The following RELB variants were observed in gnomAD, a reference collection of about 807,000 sequenced individuals.
RELB encodes transcription factor RelB.
A neutral mutation model predicts 55.4 loss-of-function variants in RELB; 14 were observed. The ratio of observed to expected loss-of-function variants is 0.25; its 90% CI spans 0.17 to 0.40. RELB has a LOEUF of 0.40. Ranked by LOEUF, RELB falls within the 10% of genes least tolerant of loss-of-function variation. The pLI is 1.00. For missense variants in RELB, 669 were observed against 830.7 expected (o/e 0.81, Z 2.39); for synonymous variants, 409 against 371.3 (o/e 1.10, Z -1.17).
intron 8 of RELB, among the ~76,000 whole-genome samples, chr19:45,032,160 A>C (rs1038738312): frequency 4.0e-5 from 6 of 151,542 alleles, no homozygotes; most frequent in Admixed American, 2.0e-4. Context: ...TACTTGAACC[A>C]GGGAGTTGGA....
chr19:45,034,675 T>G, intron 11 of RELB, 147 bp downstream of exon 11: 1 of 649,380 alleles, frequency 1.5e-6, no homozygotes, highest in East Asian at 2.7e-5. Flanking sequence ...GTAGAAAGAA[T>G]GAGGGCTTTG....
At chr19:45,003,597 G>A (rs1963232143) in intron 2 of RELB, 1 of 518,270 alleles carries the variant, frequency 1.9e-6, no homozygotes, top group Admixed American at 1.9e-5. Context: ...CCTGGGCTTT[G>A]GAGCTGGGGT....
intron 11 of RELB, 41 bp from the exon 12 acceptor site, chr19:45,037,364 C>T (rs1306299319): frequency 2.0e-6 from 3 of 1,497,312 alleles, no homozygotes; most frequent in Non-Finnish European, 2.7e-6. Context: ...CAGAAGTTAG[C>T]CCTAAATCAC....
intron 1 of RELB, among the ~76,000 whole-genome samples, chr19:45,002,036 G>C (rs1971217993): frequency 6.7e-6 from 1 of 148,326 alleles, no homozygotes; most frequent in South Asian, 2.2e-4. Flanking sequence ...GGCGGGATCC[G>C]ACCCGGACTA....
At chr19:45,025,567 C>T (rs1971548643) in intron 6 of RELB, 39 bp from the exon 7 acceptor site, 4 of 1,612,510 alleles carry the variant, frequency 2.5e-6, no homozygotes, top group Non-Finnish European at 3.4e-6. Context: ...AGAGGGTCTC[C>T]ACTTCCCACC....
intron 8 of RELB, among the ~76,000 whole-genome samples, chr19:45,031,117 ATAAATAGCAGGCAGAG>A (rs1260020652): frequency 1.3e-5 from 2 of 152,192 alleles, no homozygotes; most frequent in East Asian, 3.9e-4. Flanking sequence ...GACAAGAAAA[ATAAATAGCAGGCAGAG>A]TAGCATCATG....
At chr19:45,001,829 T>G in intron 1 of RELB, 144 bp downstream of exon 1, 1 of 519,238 alleles carries the variant, frequency 1.9e-6, no homozygotes, top group Non-Finnish European at 3.4e-6. Context: ...GACACTGTAT[T>G]AGGGCGTAGG....
chr19:45,025,751 G>A lies in RELB; in HGVS notation c.886+14G>A, dbSNP rs1040309035. The A allele has an allele frequency of 6.2e-7, 1 of 1,613,846 alleles. No individual in the cohort carries two copies. The highest frequency in any genetic ancestry group is 8.5e-7 in the Non-Finnish European group (1 of 1,179,782). On this transcript the variant is annotated intron_variant, in intron 7 of 11. Transcript: ENST00000221452. ...TCTATGACAAGAGTGAGTTGAGAGT[G>A]CTGTGGCCGTTAGGATTGCCCTTGG...
intron 5 of RELB, 132 bp from the exon 6 acceptor site, chr19:45,025,197 G>C: frequency 1.5e-6 from 1 of 669,486 alleles, no homozygotes; most frequent in South Asian, 1.8e-5. Flanking sequence ...CTAATGCTGG[G>C]ACCCCTGGGC....
chr19:45,031,210 GT>G (rs112719442), intron 8 of RELB, among the ~76,000 whole-genome samples: 1,799 of 146,686 alleles, frequency 0.012, 40 homozygotes, highest in African/African-American at 0.042. Flanking sequence ...TTCCGTTTTT[GT>G]TTTTTTTTTT....
intron 2 of RELB, 127 bp from the exon 3 acceptor site, chr19:45,009,687 T>C: frequency 9.3e-7 from 1 of 1,075,196 alleles, no homozygotes; most frequent in Non-Finnish European, 1.4e-6. Flanking sequence ...GCCCAGGGTT[T>C]CCCAGGACGG....
intron 3 of RELB, 146 bp downstream of exon 3, chr19:45,009,968 T>C: frequency 1.2e-6 from 1 of 858,756 alleles, no homozygotes; most frequent in South Asian, 1.5e-5. Flanking sequence ...AACGAAGTCA[T>C]GCTCCTAAGG....
intron 2 of RELB, among the ~76,000 whole-genome samples, chr19:45,007,248 T>C (rs1015545692): frequency 1.2e-4 from 18 of 152,048 alleles, no homozygotes; most frequent in Non-Finnish European, 1.8e-4. Flanking sequence ...CCCTGAATGG[T>C]GGCAAGTCCA....
chr19:45,013,792 A>G (rs1971390026), intron 4 of RELB, among the ~76,000 whole-genome samples: 1 of 152,046 alleles, frequency 6.6e-6, no homozygotes, highest in Non-Finnish European at 1.5e-5. Flanking sequence ...AGATCGTGCC[A>G]TTGCTCTCCG....
intron 4 of RELB, among the ~76,000 whole-genome samples, chr19:45,015,195 G>A (rs1170159835): frequency 6.6e-6 from 1 of 152,268 alleles, no homozygotes; most frequent in Non-Finnish European, 1.5e-5. Context: ...GAGCCAGCAT[G>A]CCTGGCTTGG....
chr19:45,029,001 C>T lies in RELB; in HGVS notation c.991+9C>T. 6.4e-7 allele frequency: 1 copy of T among 1,562,914 alleles called. No individual in the cohort carries two copies. Among genetic ancestry groups the T allele is most frequent in the South Asian group, 1.2e-5 (1 of 84,978 alleles). ...CGACAAGGTGCAGAAAGGTGAGGGG[C>T]CTGGGGCAGCAAGCTTGGGCAGAGC... On this transcript the variant is annotated intron_variant, in intron 8 of 11. Coordinates refer to ENST00000221452, the MANE Select transcript of RELB (RefSeq NM_006509.4).
intron 3 of RELB, among the ~76,000 whole-genome samples, chr19:45,011,103 C>T (rs1380099437): frequency 6.6e-6 from 1 of 152,130 alleles, no homozygotes; most frequent in African/African-American, 2.4e-5. Flanking sequence ...CCGCCTGCCT[C>T]GGCCTCCCAA....
chr19:45,011,059 C>T (rs1971344600), intron 3 of RELB, among the ~76,000 whole-genome samples: 1 of 152,162 alleles, frequency 6.6e-6, no homozygotes, highest in Non-Finnish European at 1.5e-5. Flanking sequence ...ACCATGTTCG[C>T]CAGGCAGGTC....
chr19:45,002,525 G>A (rs1320349612), intron 1 of RELB, among the ~76,000 whole-genome samples: 1 of 152,034 alleles, frequency 6.6e-6, no homozygotes, highest in Admixed American at 6.6e-5. Context: ...GCTAATTTTT[G>A]TAGTTTTACT....
Sources: allele counts gnomAD v4.1 joint callset (sites outside exome capture counted in the v4.1 genomes callset), GRCh38; gene constraint gnomAD v4.1.1; transcripts MANE v1.5; gene names NCBI Gene and HGNC (gene_info 2026-07-23, HGNC 2026-07-21).